The following EXT1 variants were observed in gnomAD, a reference collection of about 807,000 sequenced individuals.
The protein encoded by EXT1 is exostosin glycosyltransferase 1.
EXT1 carries 20 observed loss-of-function variants against 82.5 expected under a neutral mutation model. The ratio of observed to expected loss-of-function variants is 0.24; its 90% confidence interval spans 0.17 to 0.35. The LOEUF is 0.35. EXT1 is among the 10% of genes least tolerant of loss of function. The pLI, the probability that EXT1 is intolerant of heterozygous loss-of-function variation, is 1.00. For synonymous variants in EXT1, 348 were observed against 350.8 expected, an observed-to-expected ratio of 0.99 and a Z score of 0.09; for missense variants, 757 against 936.5, an observed-to-expected ratio of 0.81 and a Z score of 2.50.
intron 1 of EXT1, among the ~76,000 whole-genome samples, chr8:117,936,550 A>C (rs975039654): frequency 6.6e-6 from 1 of 152,206 alleles, no homozygotes; most frequent in Admixed American, 6.5e-5. Flanking sequence ...TATCTTCTCT[A>C]TTTTTAGGAA....
At chr8:118,078,324 G>C (rs988679217) in intron 1 of EXT1, among the ~76,000 whole-genome samples, 1 of 152,102 alleles carries the variant, frequency 6.6e-6, no homozygotes, top group Non-Finnish European at 1.5e-5. Context: ...TCTGCTTCCC[G>C]AGTAGCTGGG....
chr8:118,048,004 CA>C (rs1242419116), intron 1 of EXT1, among the ~76,000 whole-genome samples: 4 of 147,896 alleles, frequency 2.7e-5, no homozygotes, highest in Admixed American at 6.9e-5. Flanking sequence ...CTGGCCTGGA[CA>C]ACAGAACAAG....
At chr8:117,984,998 T>C (rs1402807308) in intron 1 of EXT1, among the ~76,000 whole-genome samples, 1 of 152,164 alleles carries the variant, frequency 6.6e-6, no homozygotes, top group Admixed American at 6.5e-5. Context: ...AGTGTAATCC[T>C]GAGGTAAGGT....
At chr8:118,009,863 T>G (rs1315586860) in intron 1 of EXT1, among the ~76,000 whole-genome samples, 2 of 152,100 alleles carry the variant, frequency 1.3e-5, no homozygotes, top group Admixed American at 1.3e-4. Flanking sequence ...CGGTTCCTGG[T>G]GCCAAAAAGG....
At chr8:117,852,665 A>C (rs1192213037) in intron 1 of EXT1, among the ~76,000 whole-genome samples, 1 of 152,156 alleles carries the variant, frequency 6.6e-6, no homozygotes, top group Non-Finnish European at 1.5e-5. Flanking sequence ...GCAGGTCTTT[A>C]AGCCCATATG....
rs921274027 is a variant in EXT1, at chr8:117,819,577, G to A, written c.1536+99C>T. 2.3e-4 allele frequency: 192 copies of A among 836,242 alleles called. No individual in the cohort carries two copies. The Admixed American group carries it at 4.1e-3, about 18-fold the overall frequency. The allele number at this position is 836,242 out of a possible 1,614,324, so 51.8% of individuals were successfully genotyped here. Reference sequence around the variant, plus strand: ...CAGGGTATGATGTTAGAGAAGTCCCGGGGAGCCTGGGGAGCCCGGGGGATA... The same window carrying A: ...CAGGGTATGATGTTAGAGAAGTCCCAGGGAGCCTGGGGAGCCCGGGGGATA... On this transcript the variant is annotated intron_variant, in intron 6 of 10. Transcript: ENST00000378204.
intron 1 of EXT1, among the ~76,000 whole-genome samples, chr8:118,026,019 G>A (rs1337987028): frequency 6.6e-6 from 1 of 152,136 alleles, no homozygotes; most frequent in African/African-American, 2.4e-5. Flanking sequence ...ACTCTGGATG[G>A]GAAAAGAGTG....
chr8:117,856,412 G>A (rs1046415582), intron 1 of EXT1, among the ~76,000 whole-genome samples: 3 of 142,826 alleles, frequency 2.1e-5, no homozygotes, highest in Middle Eastern at 3.3e-3. Flanking sequence ...CAGCCACCAC[G>A]CCTGGCTAAA....
intron 1 of EXT1, among the ~76,000 whole-genome samples, chr8:118,108,349 G>A (rs904964176): frequency 6.6e-6 from 1 of 152,186 alleles, no homozygotes; most frequent in African/African-American, 2.4e-5. Flanking sequence ...TGCTTTAGAA[G>A]ACACTGAAAG....
chr8:118,045,311 T>C (rs987201973), intron 1 of EXT1, among the ~76,000 whole-genome samples: 1 of 152,086 alleles, frequency 6.6e-6, no homozygotes, highest in Non-Finnish European at 1.5e-5. Context: ...CAATAGAAGA[T>C]TTATCGATTT....
chr8:117,977,378 C>T (rs1195729201), intron 1 of EXT1, among the ~76,000 whole-genome samples: 1 of 130,232 alleles, frequency 7.7e-6, no homozygotes, highest in African/African-American at 3.1e-5. Context: ...TAGAGCAAGA[C>T]TCTGTCTCAA....
chr8:118,034,145 A>G (rs946213204), intron 1 of EXT1, among the ~76,000 whole-genome samples: 8 of 152,330 alleles, frequency 5.3e-5, no homozygotes, highest in Middle Eastern at 6.8e-3. Context: ...TCTAAACAGT[A>G]CATTTTTAAA....
chr8:117,817,496 G>A (rs1323795440), intron 7 of EXT1, among the ~76,000 whole-genome samples: 4 of 151,898 alleles, frequency 2.6e-5, no homozygotes, highest in East Asian at 1.9e-4. Flanking sequence ...TTCACAATGC[G>A]TAAGATCTAT....
intron 1 of EXT1, among the ~76,000 whole-genome samples, chr8:117,937,988 T>A (rs1385135164): frequency 2.0e-5 from 3 of 152,200 alleles, no homozygotes; most frequent in African/African-American, 7.2e-5. Flanking sequence ...GTTTTGAGGG[T>A]ATTCACTTCT....
chr8:117,982,454 C>T (rs529037708), intron 1 of EXT1, among the ~76,000 whole-genome samples: 4 of 152,136 alleles, frequency 2.6e-5, no homozygotes, highest in Non-Finnish European at 5.9e-5. Flanking sequence ...CTAAGATAAT[C>T]TCCCTATTTT....
intron 4 of EXT1, among the ~76,000 whole-genome samples, chr8:117,829,750 T>C (rs1812067394): frequency 6.6e-6 from 1 of 151,950 alleles, no homozygotes; most frequent in Admixed American, 6.6e-5. Context: ...ATTTTTTGTA[T>C]TTTTAGTAGA....
In EXT1 at chr8:117,938,950, G is replaced by A. The variant is rs149080689; in HGVS notation, c.963-101749C>T. On this transcript the variant is annotated intron_variant, in intron 1 of 10. Coordinates refer to ENST00000378204, the MANE Select transcript of EXT1 (RefSeq NM_000127.3). ...GCCTCAGCTCCCACGGAAACCCTTC[G>A]AGCATCCATCAGTACATCCCAGGCA... 1.1e-3 allele frequency among the ~76,000 whole-genome samples: 165 copies of A among 152,222 alleles called. 1 individual carries two copies. The highest frequency in any genetic ancestry group is 3.5e-3 in the African/African-American group (147 of 41,528).
chr8:117,811,816 A>G (rs1823329485), intron 8 of EXT1, among the ~76,000 whole-genome samples: 1 of 152,156 alleles, frequency 6.6e-6, no homozygotes, highest in Non-Finnish European at 1.5e-5. Context: ...AGGTTTCACC[A>G]TATTGGCCAG....
At chr8:117,838,992 A>G (rs1362627278) in intron 1 of EXT1, among the ~76,000 whole-genome samples, 1 of 152,202 alleles carries the variant, frequency 6.6e-6, no homozygotes, top group Non-Finnish European at 1.5e-5. Context: ...CAAGTTTCAA[A>G]GTTCCTAGTT....
Sources: allele counts gnomAD v4.1 joint callset (sites outside exome capture counted in the v4.1 genomes callset), GRCh38; gene constraint gnomAD v4.1.1; transcripts MANE v1.5; gene names NCBI Gene and HGNC (gene_info 2026-07-23, HGNC 2026-07-21).